NOP9: variants seen among roughly 807,000 people sequenced by gnomAD.
NOP9 encodes nucleolar protein 9.
Under a neutral mutation model 63.0 loss-of-function variants are expected in NOP9, and 50 were observed. The ratio of observed to expected loss-of-function variants is 0.79; its 90% CI spans 0.63 to 1.00. The LOEUF is 1.00. Ranked by LOEUF, NOP9 falls within the 50% of genes least tolerant of loss-of-function variation. The pLI, the probability that NOP9 is intolerant of heterozygous loss-of-function variation, is 0.00. For synonymous variants in NOP9, 343 were observed against 332.8 expected, an observed-to-expected ratio of 1.03 and a Z score of -0.33; for missense variants, 758 against 803.0, an observed-to-expected ratio of 0.94 and a Z score of 0.68.
chr14:24,271,268 G>A, the NOP9 span: 1 of 976,560 alleles, frequency 1.0e-6, no homozygotes, highest in Non-Finnish European at 1.5e-6. Flanking sequence ...GACCCCCAGA[G>A]TGTAAAGAGG....
At position 24,306,648 on chromosome 14, in the gene NOP9, T is replaced by C; in HGVS notation, c.*1553T>C. ...GTCCCACTTTGACTTTCCGGCACTTTGATACCTCCTAAAGGTTGCAGCTCT... is the reference window on the plus strand; with the variant it reads ...GTCCCACTTTGACTTTCCGGCACTTCGATACCTCCTAAAGGTTGCAGCTCT... On this transcript the variant is annotated 3_prime_UTR_variant, in exon 10 of 10. Transcript: ENST00000267425. 1.7e-6 allele frequency: 2 copies of C among 1,170,766 alleles called. No individual in the cohort carries two copies. The highest frequency in any genetic ancestry group is 1.2e-6 in the Non-Finnish European group (1 of 810,676). 72.5% of individuals were successfully genotyped at this position (1,170,766 alleles called of 1,614,324 possible). A position where few individuals can be genotyped will look rare whatever the true frequency, so the allele number is the denominator to read the frequency against.
chr14:24,288,495 G>A, the NOP9 span, among the ~76,000 whole-genome samples: 614 of 152,136 alleles, frequency 4.0e-3, 7 homozygotes, highest in African/African-American at 0.014. Flanking sequence ...GATTAGAGGC[G>A]TGCTCCACCA....
chr14:24,271,957 C>G, the NOP9 span, among the ~76,000 whole-genome samples: 1 of 152,166 alleles, frequency 6.6e-6, no homozygotes, highest in African/African-American at 2.4e-5. Flanking sequence ...TTATACTTGA[C>G]ACCCCCATTC....
At position 24,301,617 on chromosome 14, in the gene NOP9, C is replaced by T; in HGVS notation, c.703C>T (p.Gln235Ter). ...RPRGSQSSEA[Q>*]KTPAQECKPA... ...TGTTCTTAATCTTCCTTCAGAAGCACAGAAGACCCCAGCTCAGGAATGTAA... is the reference window on the plus strand; with the variant it reads ...TGTTCTTAATCTTCCTTCAGAAGCATAGAAGACCCCAGCTCAGGAATGTAA... The change falls in exon 3 of 10, where the codon CAG becomes TAG. Residue 235 changes from glutamine to a stop codon, truncating the protein, a stop_gained. Transcript: ENST00000267425. LOFTEE classifies it high-confidence loss of function. The T allele has an allele frequency of 6.2e-7, 1 of 1,614,164 alleles. No individual in the cohort carries two copies. Among genetic ancestry groups the T allele is most frequent in the Non-Finnish European group, 8.5e-7 (1 of 1,180,002 alleles).
chr14:24,284,968 A>G, the NOP9 span, among the ~76,000 whole-genome samples: 3 of 152,166 alleles, frequency 2.0e-5, no homozygotes, highest in Non-Finnish European at 2.9e-5. Flanking sequence ...AGGGGACTTC[A>G]GGAGCTGATG....
At chr14:24,299,144 G>A (rs764449798), upstream of NOP9, 6 of 1,593,638 alleles carry the variant, frequency 3.8e-6, no homozygotes, top group African/African-American at 1.3e-5. Flanking sequence ...TGGAAGCAAA[G>A]ACTTACTCTG....
At chr14:24,292,338 G>C in the NOP9 span, 1 of 1,613,798 alleles carries the variant, frequency 6.2e-7, no homozygotes, top group Non-Finnish European at 8.5e-7. Flanking sequence ...ACACTGTGGA[G>C]AGGCGGAAGG....
rs369481973 is a variant in NOP9 at position 24,303,104 on chromosome 14, G to T, written c.1174G>T (p.Val392Phe). The T allele has an allele frequency of 2.5e-6, 4 of 1,586,890 alleles. No individual in the cohort carries two copies. The highest frequency in any genetic ancestry group is 2.6e-6 in the Non-Finnish European group (3 of 1,168,740). The part of the protein sequence containing the change: ...LSPVFEELSP[V>F]LEAVLAQGHP... ...CCCTGTGTTTGAGGAGCTGAGCCCT[G>T]TCTTGGAAGCTGTATTGGCCCAGGG... Residue 392 changes from valine (V) to phenylalanine (F), a missense_variant, in exon 6 of 10, where the codon GTC becomes TTC. Val to Phe is a conservative substitution (Grantham distance 50). Coordinates refer to ENST00000267425, the MANE Select transcript of NOP9 (RefSeq NM_174913.3).
chr14:24,280,716 C>T, the NOP9 span, among the ~76,000 whole-genome samples: 1 of 152,216 alleles, frequency 6.6e-6, no homozygotes, highest in African/African-American at 2.4e-5. Context: ...GGAGCAAATA[C>T]ACACCTAAGA....
At chr14:24,274,526 T>C in the NOP9 span, among the ~76,000 whole-genome samples, 1 of 152,136 alleles carries the variant, frequency 6.6e-6, no homozygotes, top group Non-Finnish European at 1.5e-5. Flanking sequence ...AGCCTCTTGC[T>C]TGAAGGCAAA....
chr14:24,272,747 C>A, the NOP9 span, among the ~76,000 whole-genome samples: 1 of 152,206 alleles, frequency 6.6e-6, no homozygotes, highest in Admixed American at 6.5e-5. Context: ...CCTGACCCTG[C>A]CAAAAACTCT....
chr14:24,274,149 C>T, the NOP9 span, among the ~76,000 whole-genome samples: 4 of 152,154 alleles, frequency 2.6e-5, no homozygotes, highest in African/African-American at 9.7e-5. Context: ...GTGGTCACCT[C>T]CTTCTCTAGC....
At chr14:24,299,250 T>C, upstream of NOP9, 2 of 975,026 alleles carry the variant, frequency 2.1e-6, no homozygotes, top group Non-Finnish European at 2.9e-6. Context: ...TAAGAATCCT[T>C]TGAGGGGAGA....
chr14:24,302,154 A>T, intron 4 of NOP9, 48 bp downstream of exon 4: 1 of 1,603,914 alleles, frequency 6.2e-7, no homozygotes, highest in Non-Finnish European at 8.5e-7. Context: ...GGCTGTGTGA[A>T]ATGAATGAGG....
the NOP9 span, among the ~76,000 whole-genome samples, chr14:24,273,856 C>T: frequency 1.3e-5 from 2 of 152,186 alleles, no homozygotes; most frequent in African/African-American, 4.8e-5. Flanking sequence ...TTCTGTATTG[C>T]GTTTCCTCTA....
At chr14:24,292,631 C>A in the NOP9 span, 1 of 1,614,220 alleles carries the variant, frequency 6.2e-7, no homozygotes, top group Admixed American at 1.7e-5. Flanking sequence ...CTCCTCAGCT[C>A]CTATGCCACT....
Position 24,299,976 on chromosome 14 carries a change from C to T in NOP9, c.22C>T (p.Pro8Ser). The T allele has an allele frequency of 6.3e-7, 1 of 1,585,748 alleles. No homozygotes were observed. The highest frequency in any genetic ancestry group is 8.6e-7 in the Non-Finnish European group (1 of 1,165,874). The change falls in exon 1 of 10, where the codon CCA (proline) becomes TCA (serine). Residue 8 changes from proline (P) to serine (S), a missense_variant. Pro to Ser is a moderately conservative substitution (Grantham distance 74). Coordinates refer to ENST00000267425, the MANE Select transcript of NOP9 (RefSeq NM_174913.3). ...ACACATGGGGCAGGGTCCGCGCTCT[C>T]CACACAAGGTGGGGCGCCGGTTCCC... MGQGPRS[P>S]HKVGRRFPAG...
chr14:24,304,278 GTTA>G lies in NOP9; in HGVS notation c.1647+2_1647+4del. 6.2e-7 allele frequency: 1 copy of G among 1,612,464 alleles called. No homozygotes were observed. Among genetic ancestry groups the G allele is most frequent in the Non-Finnish European group, 8.5e-7 (1 of 1,179,012 alleles). On this transcript the variant is annotated splice_donor_variant and splice_donor_region_variant and intron_variant, in intron 8 of 9. Transcript: ENST00000267425. LOFTEE classifies it high-confidence loss of function. ...CCGCCGTGTGCTGCAGAACCTAAAG[GTTA>G]GATTTCTGGCTTTTGCCTTGATTCC...
Position 24,302,048 on chromosome 14 carries a change from C to A in NOP9, c.892C>A (p.His298Asn), listed in dbSNP as rs1320853690. 2 of 1,613,880 alleles carry A rather than the reference C, an allele frequency of 1.2e-6. No individual in the cohort carries two copies. Among genetic ancestry groups the A allele is most frequent in the South Asian group, 1.1e-5 (1 of 91,074 alleles). Residue 298 changes from histidine (H) to asparagine (N), a missense_variant, in exon 4 of 10, where the codon CAT (histidine) becomes AAT (asparagine). His to Asn is a moderately conservative substitution (Grantham distance 68). Transcript: ENST00000267425. ...LHRKLPQFCAHLCNAVIGYLS... is the reference protein window; with the variant it reads ...LHRKLPQFCANLCNAVIGYLS... ...CCGCAAACTTCCCCAGTTTTGCGCT[C>A]ATCTCTGCAATGCTGTGATTGGCTA...
Sources: allele counts gnomAD v4.1 joint callset (sites outside exome capture counted in the v4.1 genomes callset), GRCh38; gene constraint gnomAD v4.1.1; transcripts MANE v1.5; gene names NCBI Gene and HGNC (gene_info 2026-07-23, HGNC 2026-07-21).